The following ATP10B variants were observed in gnomAD, a reference collection of about 807,000 sequenced individuals.
ATP10B encodes phospholipid-transporting ATPase VB.
Under a neutral mutation model 141.2 loss-of-function variants are expected in ATP10B, and 122 were observed. That is an observed-to-expected ratio of 0.86 (90% CI 0.75 to 1.00). The LOEUF (loss-of-function observed/expected upper bound fraction) is 1.00, where lower values mean the gene tolerates loss of function less well. ATP10B is among the 50% of genes least tolerant of loss of function. The pLI is 0.00. For missense variants in ATP10B, 1,876 were observed against 1,825.3 expected (o/e 1.03, Z -0.51); for synonymous variants, 685 against 692.0 (o/e 0.99, Z 0.16).
intron 25 of ATP10B, 50 bp downstream of exon 25, chr5:160,569,446 A>G: frequency 6.3e-7 from 1 of 1,594,156 alleles, no homozygotes; most frequent in East Asian, 2.2e-5. Context: ...ATGGCTTATT[A>G]AAGGGAGATT....
intron 7 of ATP10B, among the ~76,000 whole-genome samples, chr5:160,666,485 T>A (rs574885221): frequency 6.6e-5 from 10 of 152,322 alleles, no homozygotes; most frequent in South Asian, 2.1e-4. Context: ...AAATACTACA[T>A]AATAGCACCT....
intron 1 of ATP10B, among the ~76,000 whole-genome samples, chr5:160,846,998 T>TA (rs1322825970): frequency 3.3e-5 from 5 of 152,218 alleles, no homozygotes; most frequent in Admixed American, 3.3e-4. Flanking sequence ...CAGTTAATGT[T>TA]AGATGTTCTG....
Position 160,688,796 on chromosome 5 carries a change from A to C in ATP10B, c.-57T>G. The C allele has an allele frequency of 1.0e-6, 1 of 985,448 alleles. No individual in the cohort carries two copies. The highest frequency in any genetic ancestry group is 1.2e-6 in the Non-Finnish European group (1 of 829,928). The allele number at this position is 985,448 out of a possible 1,614,324, so 61.0% of individuals were successfully genotyped here. ...ACCTCAAAGGAGAGTGATAAGTAGA[A>C]TAGATGGGAGAGGTTCTTTCCTAGG... is the stretch of plus-strand genomic sequence containing the variant. On this transcript the variant is annotated 5_prime_UTR_variant, in exon 4 of 26. Coordinates refer to ENST00000327245, the MANE Select transcript of ATP10B (RefSeq NM_025153.3).
chr5:160,740,819 T>C (rs923167371), intron 2 of ATP10B, among the ~76,000 whole-genome samples: 7 of 152,204 alleles, frequency 4.6e-5, no homozygotes, highest in African/African-American at 1.7e-4. Flanking sequence ...TTGCAAACAG[T>C]AGCAGTGGCG....
chr5:160,687,700 G>A, intron 5 of ATP10B, 100 bp downstream of exon 5: 3 of 1,338,026 alleles, frequency 2.2e-6, no homozygotes, highest in Non-Finnish European at 2.1e-6. Flanking sequence ...AGGAGGTGAA[G>A]GTTGCAGTGA....
At chr5:160,741,135 AG>A (rs1377293692) in intron 2 of ATP10B, among the ~76,000 whole-genome samples, 1 of 152,216 alleles carries the variant, frequency 6.6e-6, no homozygotes, top group Non-Finnish European at 1.5e-5. Flanking sequence ...TCCTGGAAGC[AG>A]TCATGCTTTA....
intron 7 of ATP10B, among the ~76,000 whole-genome samples, chr5:160,654,369 G>A (rs901877375): frequency 4.6e-5 from 7 of 152,060 alleles, no homozygotes; most frequent in Middle Eastern, 3.2e-3. Flanking sequence ...GAAGCAGCTC[G>A]CCTAACTGGA....
In ATP10B at chr5:160,582,153, A is replaced by T. The variant is rs566318974; in HGVS notation, c.3750+7439T>A. ...TGGAGCATTTAGCCCACTTACATTT[A>T]AGGTTAATATTGTTATGTGTGAATT... On this transcript the variant is annotated intron_variant, in intron 24 of 25. Coordinates refer to ENST00000327245, the MANE Select transcript of ATP10B (RefSeq NM_025153.3). 3.3e-5 allele frequency among the ~76,000 whole-genome samples: 5 copies of T among 152,244 alleles called. No homozygotes were observed. In the South Asian group the frequency reaches 1.0e-3, roughly 32 times the overall value.
the ATP10B span, among the ~76,000 whole-genome samples, chr5:160,858,650 TTTC>T: frequency 2.0e-5 from 3 of 151,944 alleles, no homozygotes; most frequent in Non-Finnish European, 4.4e-5. Flanking sequence ...ATTTTGTCTT[TTTC>T]TTGTTTTCTT....
chr5:160,607,093 A>T lies in ATP10B; in HGVS notation c.2839-7T>A. The T allele has an allele frequency of 6.2e-7, 1 of 1,608,896 alleles. No individual in the cohort carries two copies. Reference sequence around the variant, plus strand: ...GGATGGATTCACAGGTCTCCTATAAAGAAGCATAATAATACAGTATTTGTA... The same window carrying T: ...GGATGGATTCACAGGTCTCCTATAATGAAGCATAATAATACAGTATTTGTA... On this transcript the variant is annotated splice_polypyrimidine_tract_variant and splice_region_variant and intron_variant, in intron 18 of 25. Coordinates refer to ENST00000327245, the MANE Select transcript of ATP10B (RefSeq NM_025153.3).
At chr5:160,812,843 T>C (rs1463990140) in intron 1 of ATP10B, among the ~76,000 whole-genome samples, 1 of 151,622 alleles carries the variant, frequency 6.6e-6, no homozygotes, top group Admixed American at 6.6e-5. Context: ...GATAGTTTTT[T>C]CAAAGGGCTA....
chr5:160,579,137 T>C (rs1198639473), intron 24 of ATP10B, among the ~76,000 whole-genome samples: 1 of 152,254 alleles, frequency 6.6e-6, no homozygotes, highest in Non-Finnish European at 1.5e-5. Context: ...CTGTTCATTC[T>C]GATAATAGTT....
chr5:160,685,711 A>G (rs1763707110), intron 6 of ATP10B, among the ~76,000 whole-genome samples: 1 of 152,178 alleles, frequency 6.6e-6, no homozygotes, highest in South Asian at 2.1e-4. Flanking sequence ...ATAATACTGC[A>G]TCTGTGTGCT....
chr5:160,740,036 A>G (rs1053849250), intron 2 of ATP10B, among the ~76,000 whole-genome samples: 2 of 152,206 alleles, frequency 1.3e-5, no homozygotes, highest in East Asian at 3.9e-4. Context: ...AGGGGAACTA[A>G]TGGAAATCAT....
chr5:160,892,826 G>T, the ATP10B span, among the ~76,000 whole-genome samples: 301 of 152,300 alleles, frequency 2.0e-3, 3 homozygotes, highest in African/African-American at 7.0e-3. Flanking sequence ...GGTGATTTCT[G>T]CATTTCAAAC....
At chr5:160,859,710 A>C in the ATP10B span, among the ~76,000 whole-genome samples, 1 of 151,912 alleles carries the variant, frequency 6.6e-6, no homozygotes, top group African/African-American at 2.4e-5. Flanking sequence ...GCTTGTTGGA[A>C]ATGGTTTGTA....
intron 13 of ATP10B, among the ~76,000 whole-genome samples, chr5:160,629,652 C>G (rs1011620541): frequency 2.2e-4 from 33 of 152,182 alleles, no homozygotes; most frequent in Admixed American, 7.9e-4. Context: ...TTTAAAACTT[C>G]CATTAGGTAT....
At chr5:160,805,705 C>A (rs1177742365) in intron 1 of ATP10B, among the ~76,000 whole-genome samples, 1 of 152,164 alleles carries the variant, frequency 6.6e-6, no homozygotes, top group Non-Finnish European at 1.5e-5. Context: ...CCTAGTGCCC[C>A]AGAGGCTCTT....
intron 2 of ATP10B, among the ~76,000 whole-genome samples, chr5:160,721,233 T>C (rs1024855102): frequency 6.6e-6 from 1 of 152,194 alleles, no homozygotes; most frequent in Non-Finnish European, 1.5e-5. Flanking sequence ...GAACAATGAA[T>C]ATCCGTGGGA....
Sources: gnomAD v4.1 joint callset for allele counts (sites outside exome capture counted in the v4.1 genomes callset) on GRCh38, gnomAD v4.1.1 for gene constraint, MANE v1.5 for transcripts, NCBI Gene and HGNC (gene_info 2026-07-23, HGNC 2026-07-21) for gene names.